The following SUGCT variants were observed in gnomAD, a reference collection of about 807,000 sequenced individuals.
The protein encoded by SUGCT is succinyl-CoA:glutarate CoA-transferase.
SUGCT carries 41 observed loss-of-function variants against 55.0 expected under a neutral mutation model. That is an observed-to-expected ratio of 0.74 (90% CI 0.58 to 0.97). The LOEUF (loss-of-function observed/expected upper bound fraction) is 0.97. SUGCT is among the 50% of genes least tolerant of loss of function. The pLI is 0.00. For missense variants in SUGCT, 568 were observed against 547.8 expected (o/e 1.04, Z -0.37); for synonymous variants, 187 against 200.4 (o/e 0.93, Z 0.56).
Position 40,180,996 on chromosome 7 carries a change from A to C in SUGCT, c.150A>C (p.Thr50=), listed in dbSNP as rs543382689. The C allele has an allele frequency of 6.2e-7, 1 of 1,607,310 alleles. No homozygotes were observed. Among genetic ancestry groups the C allele is most frequent in the East Asian group, 2.2e-5 (1 of 44,778 alleles). ...PLEGVKILDL[T]RVLAGPFATM... ...AAGGGGTAAAAATTCTGGATCTAAC[A>C]AGGTTTGTATTGGTTTATCTACATT... The change falls in exon 2 of 14, where the codon ACA becomes ACC. Residue 50 remains threonine, a splice_region_variant and synonymous_variant. Transcript: ENST00000335693.
the SUGCT span, among the ~76,000 whole-genome samples, chr7:40,906,142 T>G: frequency 2.0e-5 from 3 of 152,102 alleles, no homozygotes; most frequent in South Asian, 2.1e-4. Context: ...TTTGTTTTTT[T>G]TTTTGCATCA....
chr7:41,010,362 G>A, the SUGCT span, among the ~76,000 whole-genome samples: 1 of 152,226 alleles, frequency 6.6e-6, no homozygotes, highest in African/African-American at 2.4e-5. Flanking sequence ...TTGAGGTGAA[G>A]TAGGGATCAT....
At chr7:40,240,870 A>C (rs1479384521) in intron 7 of SUGCT, among the ~76,000 whole-genome samples, 2 of 152,146 alleles carry the variant, frequency 1.3e-5, no homozygotes, top group Non-Finnish European at 2.9e-5. Context: ...GAGGGCATAT[A>C]TTTAGGGTGG....
At chr7:40,954,519 G>A in the SUGCT span, among the ~76,000 whole-genome samples, 4 of 152,188 alleles carry the variant, frequency 2.6e-5, no homozygotes, top group African/African-American at 4.8e-5. Context: ...TGGAAATGCA[G>A]AAATCACCCA....
At chr7:40,808,814 G>C (rs1212739166) in intron 13 of SUGCT, among the ~76,000 whole-genome samples, 1 of 152,190 alleles carries the variant, frequency 6.6e-6, no homozygotes, top group East Asian at 1.9e-4. Context: ...GAGTTAGGCA[G>C]AAGAGGAAAG....
At chr7:40,712,045 G>A (rs1289891644) in intron 12 of SUGCT, among the ~76,000 whole-genome samples, 1 of 152,260 alleles carries the variant, frequency 6.6e-6, no homozygotes, top group Non-Finnish European at 1.5e-5. Context: ...AAGCCTAGCT[G>A]ACTTAGAAGG....
intron 7 of SUGCT, among the ~76,000 whole-genome samples, chr7:40,247,050 A>G (rs1789931928): frequency 1.3e-5 from 2 of 152,112 alleles, no homozygotes; most frequent in Admixed American, 6.6e-5. Context: ...GCCTTTTGTG[A>G]ATAAAACTGA....
intron 9 of SUGCT, among the ~76,000 whole-genome samples, chr7:40,367,432 A>G (rs1248927968): frequency 7.5e-6 from 1 of 133,600 alleles, no homozygotes; most frequent in Non-Finnish European, 1.6e-5. Context: ...TAAAATAAAT[A>G]AATAAATAAA....
chr7:40,340,790 G>A (rs1326670849), intron 9 of SUGCT, among the ~76,000 whole-genome samples: 1 of 152,164 alleles, frequency 6.6e-6, no homozygotes, highest in Non-Finnish European at 1.5e-5. Flanking sequence ...GTCGACTGGA[G>A]AATCAATGAG....
At chr7:40,353,286 C>T (rs1042971624) in intron 9 of SUGCT, among the ~76,000 whole-genome samples, 7 of 152,014 alleles carry the variant, frequency 4.6e-5, no homozygotes, top group Non-Finnish European at 7.4e-5. Context: ...AGTCTAAATA[C>T]GCAAAGGGTA....
the SUGCT span, among the ~76,000 whole-genome samples, chr7:40,994,271 A>T: frequency 3.3e-5 from 5 of 152,198 alleles, no homozygotes; most frequent in Non-Finnish European, 7.3e-5. Context: ...AATAAAGCAC[A>T]TCCGAGCAAA....
chr7:40,323,489 A>C (rs1016281703), intron 9 of SUGCT, among the ~76,000 whole-genome samples: 1 of 152,060 alleles, frequency 6.6e-6, no homozygotes, highest in Non-Finnish European at 1.5e-5. Flanking sequence ...CCTCAAACTC[A>C]AGCAAACCTC....
chr7:40,802,482 T>C (rs1362154517), intron 13 of SUGCT, among the ~76,000 whole-genome samples: 1 of 152,214 alleles, frequency 6.6e-6, no homozygotes, highest in Admixed American at 6.5e-5. Context: ...TTGTTCATTA[T>C]GGATAAGATT....
chr7:40,680,607 A>G (rs1159705152), intron 12 of SUGCT, among the ~76,000 whole-genome samples: 1 of 152,114 alleles, frequency 6.6e-6, no homozygotes, highest in African/African-American at 2.4e-5. Flanking sequence ...GGATATAACT[A>G]CTTGTTCCAT....
chr7:40,718,124 T>A (rs1786124709), intron 12 of SUGCT, among the ~76,000 whole-genome samples: 1 of 152,208 alleles, frequency 6.6e-6, no homozygotes, highest in African/African-American at 2.4e-5. Context: ...TTGTATCAAA[T>A]CATATTTCAT....
At chr7:40,856,656 T>C (rs950963327) in intron 13 of SUGCT, among the ~76,000 whole-genome samples, 1 of 152,176 alleles carries the variant, frequency 6.6e-6, no homozygotes, top group Non-Finnish European at 1.5e-5. Context: ...TCAAGAGCTC[T>C]TAACAGTATT....
At chr7:40,623,793 A>G (rs1039727285) in intron 12 of SUGCT, among the ~76,000 whole-genome samples, 3 of 152,136 alleles carry the variant, frequency 2.0e-5, no homozygotes, top group Admixed American at 1.3e-4. Context: ...ATACGAGAGA[A>G]TTATGTTTTG....
chr7:40,345,045 A>G (rs1797240691), intron 9 of SUGCT, among the ~76,000 whole-genome samples: 1 of 152,204 alleles, frequency 6.6e-6, no homozygotes, highest in African/African-American at 2.4e-5. Flanking sequence ...AGGAGCCACA[A>G]TCAAGAACAG....
intron 9 of SUGCT, among the ~76,000 whole-genome samples, chr7:40,419,428 C>A (rs1305215557): frequency 2.0e-5 from 3 of 152,102 alleles, no homozygotes; most frequent in Non-Finnish European, 4.4e-5. Context: ...ATAATTTTGG[C>A]TTGAATTGGA....
Sources: allele counts gnomAD v4.1 joint callset (sites outside exome capture counted in the v4.1 genomes callset), GRCh38; gene constraint gnomAD v4.1.1; transcripts MANE v1.5; gene names NCBI Gene and HGNC (gene_info 2026-07-23, HGNC 2026-07-21).